TRIM6: variants seen among roughly 807,000 people sequenced by gnomAD.
TRIM6 encodes tripartite motif-containing protein 6.
Under a neutral mutation model 51.2 loss-of-function variants are expected in TRIM6, and 43 were observed. That is an observed-to-expected ratio of 0.84 (90% confidence interval 0.66 to 1.08). The LOEUF (loss-of-function observed/expected upper bound fraction) is 1.08, where lower values mean the gene tolerates loss of function less well. TRIM6 is among the 50% of genes least tolerant of loss of function. The pLI, the probability that TRIM6 is intolerant of heterozygous loss-of-function variation, is 0.00. For missense variants in TRIM6, 669 were observed against 619.0 expected, an observed-to-expected ratio of 1.08 and a Z score of -0.86; for synonymous variants, 215 against 232.4, an observed-to-expected ratio of 0.93 and a Z score of 0.68.
chr11:5,609,875 A>T (rs1205367670), intron 5 of TRIM6, among the ~76,000 whole-genome samples: 1 of 152,154 alleles, frequency 6.6e-6, no homozygotes, highest in Non-Finnish European at 1.5e-5. Context: ...GTGAGCCGAG[A>T]TCGTGCCACT....
Position 5,611,030 on chromosome 11 carries a change from T to A in TRIM6, c.1239T>A (p.Phe413Leu). The A allele has an allele frequency of 6.2e-7, 1 of 1,614,236 alleles. No homozygotes were observed. Among genetic ancestry groups the A allele is most frequent in the Non-Finnish European group, 8.5e-7 (1 of 1,180,040 alleles). Residue 413 changes from phenylalanine to leucine, a missense_variant, in exon 8 of 8, where the codon TTT (phenylalanine) becomes TTA (leucine). Physicochemically the swap from Phe to Leu is conservative, Grantham distance 22. Transcript: ENST00000380097. ...GACCTACATTCTCTTTCAACCATTT[T>A]GCTCAAAATCACAGTGCTTACTCCA... ...SLGPTFSFNH[F>L]AQNHSAYSRY...
rs1233196212 is a variant in TRIM6, at chr11:5,610,991, C to A, written c.1200C>A (p.Cys400Ter). ...AGACTGCCTGGATCCTGGGGGTATG[C>A]AGCAATTCACTGGGACCTACATTCT... ...AKKTAWILGV[C>*]SNSLGPTFSF... Residue 400 changes from cysteine (C) to a stop codon, truncating the protein, a stop_gained, in exon 8 of 8, where the codon TGC (cysteine) becomes TGA (stop). Coordinates refer to ENST00000380097, the MANE Select transcript of TRIM6 (RefSeq NM_001003818.3). LOFTEE classifies it low-confidence loss of function (END_TRUNC). 4 of 1,614,148 alleles carry A rather than the reference C, an allele frequency of 2.5e-6. No homozygotes were observed. Among genetic ancestry groups the A allele is most frequent in the Non-Finnish European group, 3.4e-6 (4 of 1,180,020 alleles).
chr11:5,596,760 C>G lies in TRIM6; in HGVS notation c.-138C>G. The G allele has an allele frequency of 1.5e-6, 2 of 1,327,104 alleles. No individual in the cohort carries two copies. The highest frequency in any genetic ancestry group is 2.3e-5 in the East Asian group (1 of 43,166). The allele number at this position is 1,327,104 out of a possible 1,614,324, so 82.2% of individuals were successfully genotyped here. On this transcript the variant is annotated 5_prime_UTR_variant, in exon 1 of 8. Transcript: ENST00000380097. Reference sequence around the variant, plus strand: ...CGGAACGGAACGGAGCAGAGTCGTGCGTGGTTGAGTTTAGATAAAAGCCGA... The same window carrying G: ...CGGAACGGAACGGAGCAGAGTCGTGGGTGGTTGAGTTTAGATAAAAGCCGA...
intron 1 of TRIM6, among the ~76,000 whole-genome samples, chr11:5,601,702 G>A (rs1847865267): frequency 6.6e-6 from 1 of 152,150 alleles, no homozygotes; most frequent in South Asian, 2.1e-4. Context: ...AGGTTGCAGT[G>A]AGCCGAGATA....
At chr11:5,605,982 C>A (rs1848182481) in intron 4 of TRIM6, among the ~76,000 whole-genome samples, 1 of 152,264 alleles carries the variant, frequency 6.6e-6, no homozygotes, top group Non-Finnish European at 1.5e-5. Flanking sequence ...AGCACCACCC[C>A]AGATGTGACA....
intron 4 of TRIM6, among the ~76,000 whole-genome samples, chr11:5,607,472 C>A (rs1054820853): frequency 3.3e-5 from 5 of 152,126 alleles, no homozygotes; most frequent in Non-Finnish European, 7.3e-5. Flanking sequence ...AATAGTTAAT[C>A]CTGTATTATG....
rs773166492 is a variant in TRIM6 at position 5,610,927 on chromosome 11, C to T, written c.1136C>T (p.Ser379Phe). The change falls in exon 8 of 8, where the codon TCC becomes TTC. Residue 379 changes from serine to phenylalanine, a missense_variant. Ser to Phe is a radical substitution (Grantham distance 155). Coordinates refer to ENST00000380097, the MANE Select transcript of TRIM6 (RefSeq NM_001003818.3). ...DCSVLGSQHF[S>F]SGKHYWEVDV... is the part of the protein sequence containing the mutation. Reference sequence around the variant, plus strand: ...AGTGTCCTGGGCTCCCAGCACTTCTCCTCTGGTAAGCATTACTGGGAGGTA... The same window carrying T: ...AGTGTCCTGGGCTCCCAGCACTTCTTCTCTGGTAAGCATTACTGGGAGGTA... 65 of 1,614,006 alleles carry T rather than the reference C, an allele frequency of 4.0e-5. No homozygotes were observed. Among genetic ancestry groups the T allele is most frequent in the African/African-American group, 5.3e-5 (4 of 74,888 alleles).
At chr11:5,599,649 T>C (rs1392724373) in intron 1 of TRIM6, among the ~76,000 whole-genome samples, 4 of 152,134 alleles carry the variant, frequency 2.6e-5, no homozygotes, top group African/African-American at 9.7e-5. Flanking sequence ...GTGATCCGCC[T>C]GCCTCAGCCT....
intron 1 of TRIM6, 102 bp from the exon 2 acceptor site, chr11:5,603,144 C>A: frequency 6.6e-7 from 1 of 1,509,946 alleles, no homozygotes; most frequent in Non-Finnish European, 8.8e-7. Flanking sequence ...GCCCTTGTTA[C>A]CCCAGGTGTC....
chr11:5,603,555 C>T lies in TRIM6; in HGVS notation c.327C>T (p.Leu109=), dbSNP rs952529514. The T allele has an allele frequency of 3.1e-6, 5 of 1,613,866 alleles. No individual in the cohort carries two copies. In the Admixed American group the frequency reaches 5.0e-5, roughly 16 times the overall value. The change falls in exon 2 of 8, where the codon CTC becomes CTT. Residue 109 remains leucine, a synonymous_variant. Transcript: ENST00000380097. Reference sequence around the variant, plus strand: ...ATCTGGCCAACATAGTGAGGCGGCTCAGAGAGGTAGTGTTGGGCCCTGGGA... The same window carrying T: ...ATCTGGCCAACATAGTGAGGCGGCTTAGAGAGGTAGTGTTGGGCCCTGGGA... ...NRHLANIVRR[L]REVVLGPGKQ...
In TRIM6 at chr11:5,611,739, C is replaced by T. The variant is rs542072429; in HGVS notation, c.*397C>T. On this transcript the variant is annotated 3_prime_UTR_variant, in exon 8 of 8. Coordinates refer to ENST00000380097, the MANE Select transcript of TRIM6 (RefSeq NM_001003818.3). ...AAGTGCTGGGATTACAGATGTGAGC[C>T]GCCGCGCCCAGACAGTTCTTTCGTT... 1.2e-4 allele frequency: 24 copies of T among 197,788 alleles called. No homozygotes were observed. Among genetic ancestry groups the T allele is most frequent in the African/African-American group, 4.0e-4 (17 of 42,658 alleles). The allele number at this position is 197,788 out of a possible 1,614,324, so 12.3% of individuals were successfully genotyped here.
At chr11:5,606,927 A>G (rs4910825) in intron 4 of TRIM6, among the ~76,000 whole-genome samples, 51,078 of 151,932 alleles carry the variant, frequency 0.34, 9,426 homozygotes, top group African/African-American at 0.5. Context: ...GCCAAGGCCG[A>G]GCGCGGTGGC....
Position 5,610,788 on chromosome 11 carries a change from C to T in TRIM6, c.997C>T (p.Leu333=), listed in dbSNP as rs61756355. The change falls in exon 8 of 8, where the codon CTG becomes TTG. Residue 333 remains leucine, a synonymous_variant. Transcript: ENST00000380097. ...DVQSYWVDVT[L]NPHTANLNLV... ...ACCTTTTCCTACAGTTGACGTGACC[C>T]TGAATCCACACACAGCTAATTTAAA... The T allele has an allele frequency of 1.2e-5, 20 of 1,613,896 alleles. No homozygotes were observed. In the African/African-American group the frequency reaches 2.1e-4, roughly 17 times the overall value.
Position 5,610,240 on chromosome 11 carries a change from G to A in TRIM6, c.953G>A (p.Cys318Tyr). 2 of 1,614,132 alleles carry A rather than the reference G, an allele frequency of 1.2e-6. No homozygotes were observed. Among genetic ancestry groups the A allele is most frequent in the Non-Finnish European group, 1.7e-6 (2 of 1,180,016 alleles). The change falls in exon 6 of 8, where the codon TGT (cysteine) becomes TAT (tyrosine). Residue 318 changes from cysteine (C) to tyrosine (Y), a missense_variant. Cys to Tyr is a radical substitution (Grantham distance 194). Coordinates refer to ENST00000380097, the MANE Select transcript of TRIM6 (RefSeq NM_001003818.3). ...GATCTGAAAAGGATGCTGCGAGTGT[G>A]TAGAGGTAAGGAGATTCAGGGGAAA... ...APDLKRMLRV[C>Y]RELTDVQSYW...
intron 5 of TRIM6, 38 bp downstream of exon 5, chr11:5,608,432 T>C: frequency 6.2e-7 from 1 of 1,610,920 alleles, no homozygotes; most frequent in Non-Finnish European, 8.5e-7. Context: ...TCCCCTGGAC[T>C]GACAAATGAT....
chr11:5,609,210 T>G (rs1848415798), intron 5 of TRIM6, among the ~76,000 whole-genome samples: 1 of 152,120 alleles, frequency 6.6e-6, no homozygotes, highest in South Asian at 2.1e-4. Flanking sequence ...TCCTCCATGC[T>G]CCTCACAGAC....
intron 1 of TRIM6, among the ~76,000 whole-genome samples, chr11:5,602,194 C>G (rs909925094): frequency 7.3e-5 from 11 of 151,588 alleles, no homozygotes; most frequent in Non-Finnish European, 1.2e-4. Flanking sequence ...TAGTCCCAAC[C>G]CTTTGGGAGG....
rs1423300188 is a variant in TRIM6 at position 5,610,915 on chromosome 11, C to T, written c.1124C>T (p.Ser375Phe). ...CATTATGACTGTAGTGTCCTGGGCTCCCAGCACTTCTCCTCTGGTAAGCAT... is the reference window on the plus strand; with the variant it reads ...CATTATGACTGTAGTGTCCTGGGCTTCCAGCACTTCTCCTCTGGTAAGCAT... ...EKHYDCSVLG[S>F]QHFSSGKHYW... Residue 375 changes from serine to phenylalanine, a missense_variant, in exon 8 of 8, where the codon TCC becomes TTC. Transcript: ENST00000380097. The T allele has an allele frequency of 1.9e-6, 3 of 1,614,180 alleles. No individual in the cohort carries two copies. Among genetic ancestry groups the T allele is most frequent in the Non-Finnish European group, 1.7e-6 (2 of 1,180,028 alleles).
chr11:5,611,315 T>C lies in TRIM6; in HGVS notation c.1524T>C (p.Pro508=). Residue 508 remains proline, a synonymous_variant, in exon 8 of 8, where the codon CCT becomes CCC. Transcript: ENST00000380097. ...PYFNPCNCVI[P]MTLRRPSS is the part of the protein sequence containing the mutation. ...TTAATCCTTGCAACTGTGTAATTCC[T>C]ATGACCCTGCGTCGTCCAAGCTCTT... 1 of 1,614,132 alleles carries C rather than the reference T, an allele frequency of 6.2e-7. No individual in the cohort carries two copies. Among genetic ancestry groups the C allele is most frequent in the South Asian group, 1.1e-5 (1 of 91,082 alleles).
Sources: allele counts gnomAD v4.1 joint callset (sites outside exome capture counted in the v4.1 genomes callset), GRCh38; gene constraint gnomAD v4.1.1; transcripts MANE v1.5; gene names NCBI Gene and HGNC (gene_info 2026-07-23, HGNC 2026-07-21).